ABCC4: variants seen among roughly 807,000 people sequenced by gnomAD.
ABCC4 encodes ATP-binding cassette sub-family C member 4.
In ABCC4, 102 loss-of-function variants were observed where a neutral mutation model predicts 168.5. That is an observed-to-expected ratio of 0.61 (90% CI 0.52 to 0.71). The LOEUF (loss-of-function observed/expected upper bound fraction) is 0.71. ABCC4 is among the 30% of genes least tolerant of loss of function. ABCC4 has a pLI of 0.00. For missense variants in ABCC4, 1,402 were observed against 1,605.8 expected (o/e 0.87, Z 2.17); for synonymous variants, 617 against 590.7 (o/e 1.04, Z -0.65).
chr13:95,289,919 A>C (rs1267695333), intron 1 of ABCC4, among the ~76,000 whole-genome samples: 1 of 151,984 alleles, frequency 6.6e-6, no homozygotes, highest in Non-Finnish European at 1.5e-5. Flanking sequence ...CAACATGGAG[A>C]AACCCCATCT....
At chr13:95,093,468 A>C (rs1387853572) in intron 20 of ABCC4, among the ~76,000 whole-genome samples, 1 of 152,226 alleles carries the variant, frequency 6.6e-6, no homozygotes, top group Admixed American at 6.5e-5. Flanking sequence ...TAGATGCAGA[A>C]AAAGCATTCG....
intron 3 of ABCC4, among the ~76,000 whole-genome samples, chr13:95,240,948 G>A (rs1295406556): frequency 1.3e-5 from 2 of 151,170 alleles, no homozygotes; most frequent in African/African-American, 4.8e-5. Flanking sequence ...TCTAACCTGG[G>A]TGACAGAGTG....
At chr13:95,027,047 C>T (rs2031585618) in intron 30 of ABCC4, among the ~76,000 whole-genome samples, 1 of 152,088 alleles carries the variant, frequency 6.6e-6, no homozygotes, top group Admixed American at 6.5e-5. Flanking sequence ...ATTTTATATC[C>T]ACAACTTTTT....
intron 1 of ABCC4, among the ~76,000 whole-genome samples, chr13:95,299,062 G>A (rs897245458): frequency 6.6e-6 from 1 of 151,896 alleles, no homozygotes; most frequent in Non-Finnish European, 1.5e-5. Flanking sequence ...AGACCAGCCT[G>A]AGCAACAACA....
chr13:95,220,190 T>G (rs200074051), intron 4 of ABCC4, among the ~76,000 whole-genome samples: 3 of 11,722 alleles, frequency 2.6e-4, no homozygotes, highest in Non-Finnish European at 1.6e-3. Context: ...AAAAGAATAT[T>G]ATAAGAAACA....
At chr13:95,217,180 G>T (rs2039139378) in intron 4 of ABCC4, among the ~76,000 whole-genome samples, 2 of 152,196 alleles carry the variant, frequency 1.3e-5, no homozygotes, top group East Asian at 3.9e-4. Context: ...AACATTAATT[G>T]TATTCAATTT....
intron 20 of ABCC4, among the ~76,000 whole-genome samples, chr13:95,094,098 T>C (rs1006039797): frequency 2.0e-5 from 3 of 151,906 alleles, no homozygotes; most frequent in African/African-American, 7.3e-5. Flanking sequence ...AAAATGACCA[T>C]ACTGCCAAAA....
At chr13:95,262,999 G>C (rs1337810568) in intron 1 of ABCC4, among the ~76,000 whole-genome samples, 1 of 152,152 alleles carries the variant, frequency 6.6e-6, no homozygotes, top group Non-Finnish European at 1.5e-5. Flanking sequence ...GGGCTGTTCA[G>C]TACCATGTTC....
rs2031289077 is a variant in ABCC4 at position 95,024,517 on chromosome 13, G to C, written c.3871-2835C>G. Among the ~76,000 whole-genome samples, 3 of 152,156 alleles carry C rather than the reference G, an allele frequency of 2.0e-5. No homozygotes were observed. In the South Asian group the frequency reaches 6.2e-4, roughly 32 times the overall value. On this transcript the variant is annotated intron_variant, in intron 30 of 30. Coordinates refer to ENST00000645237, the MANE Select transcript of ABCC4 (RefSeq NM_005845.5). ...GCTAGATTTTACTAAAATCAACAGA[G>C]CAATACAAGCTCCCGCACGTGGACA...
At chr13:95,031,903 A>G (rs898406823) in intron 30 of ABCC4, among the ~76,000 whole-genome samples, 3 of 152,170 alleles carry the variant, frequency 2.0e-5, no homozygotes. Context: ...CATATTTTTT[A>G]AATAGGTATT....
At chr13:95,198,801 C>A (rs931523085) in intron 8 of ABCC4, among the ~76,000 whole-genome samples, 7 of 152,106 alleles carry the variant, frequency 4.6e-5, no homozygotes, top group Admixed American at 1.3e-4. Context: ...AGTTCATGTC[C>A]TTTACAGGGA....
At chr13:95,240,275 T>C (rs941128523) in intron 3 of ABCC4, among the ~76,000 whole-genome samples, 1 of 152,222 alleles carries the variant, frequency 6.6e-6, no homozygotes, top group African/African-American at 2.4e-5. Flanking sequence ...GGGCGCGATG[T>C]AATCTCAGCA....
At chr13:95,094,115 T>A (rs2034516572) in intron 20 of ABCC4, among the ~76,000 whole-genome samples, 1 of 151,932 alleles carries the variant, frequency 6.6e-6, no homozygotes, top group African/African-American at 2.4e-5. Flanking sequence ...AAAAGCAATC[T>A]ACAAATTCAA....
At chr13:95,043,906 T>TA (rs2032468676) in intron 28 of ABCC4, 119 bp from the exon 29 acceptor site, 2 of 661,036 alleles carry the variant, frequency 3.0e-6, no homozygotes, top group South Asian at 4.9e-5. Context: ...TTTAATGTTT[T>TA]AAAAATCATG....
chr13:95,187,103 A>AG (rs1339375648), intron 10 of ABCC4, among the ~76,000 whole-genome samples: 4 of 152,224 alleles, frequency 2.6e-5, no homozygotes, highest in Non-Finnish European at 4.4e-5. Flanking sequence ...AGAGTGTAAC[A>AG]ATCTACTCTG....
At chr13:95,220,404 A>G (rs2039281281) in intron 4 of ABCC4, among the ~76,000 whole-genome samples, 1 of 152,198 alleles carries the variant, frequency 6.6e-6, no homozygotes, top group African/African-American at 2.4e-5. Context: ...ATTGACCTTG[A>G]GTAGGCCAGA....
At chr13:95,213,350 A>G (rs2039016843) in intron 4 of ABCC4, among the ~76,000 whole-genome samples, 1 of 152,224 alleles carries the variant, frequency 6.6e-6, no homozygotes, top group African/African-American at 2.4e-5. Flanking sequence ...GCCTGAGGAC[A>G]TTTTCTGCCC....
intron 22 of ABCC4, 63 bp from the exon 23 acceptor site, chr13:95,074,387 TCA>T: frequency 1.5e-6 from 2 of 1,344,506 alleles, no homozygotes; most frequent in Non-Finnish European, 2.1e-6. Flanking sequence ...TGTGTTTTGC[TCA>T]GTTGAGCTAC....
rs745620094 is a variant in ABCC4, at chr13:95,164,499, G to A, written c.2054C>T (p.Thr685Ile). ...ESQDTENVPV[T>I]LSEENRSEGK... ...TTCAGAACGGTTCTCCTCTGATAGTGTAACTGGGACATTCTCTGTCTGCAG... is the reference window on the plus strand; with the variant it reads ...TTCAGAACGGTTCTCCTCTGATAGTATAACTGGGACATTCTCTGTCTGCAG... The change falls in exon 16 of 31, where the codon ACA becomes ATA. Residue 685 changes from threonine to isoleucine, a missense_variant. Around this residue, in one of 3 missense-constraint regions of ABCC4, gnomAD observed 1,007 missense variants for 1,127.3 expected, o/e 0.89. Coordinates refer to ENST00000645237, the MANE Select transcript of ABCC4 (RefSeq NM_005845.5). 2 of 1,614,104 alleles carry A rather than the reference G, an allele frequency of 1.2e-6. No homozygotes were observed. Among genetic ancestry groups the A allele is most frequent in the South Asian group, 2.2e-5 (2 of 91,078 alleles).
Sources: gnomAD v4.1 joint callset for allele counts (sites outside exome capture counted in the v4.1 genomes callset) on GRCh38, gnomAD v4.1.1 for gene constraint, gnomAD v4.1.1 regional missense constraint, MANE v1.5 for transcripts, NCBI Gene and HGNC (gene_info 2026-07-23, HGNC 2026-07-21) for gene names.